Variants in SYNE3 observed in about 807,000 individuals in gnomAD.
SYNE3 encodes nesprin-3.
A neutral mutation model predicts 111.2 loss-of-function variants in SYNE3; 100 were observed. That is an observed-to-expected ratio of 0.90 (90% CI 0.77 to 1.06). The LOEUF (loss-of-function observed/expected upper bound fraction) is 1.06, where lower values mean the gene tolerates loss of function less well. Among genes scored for constraint, SYNE3 ranks in the 50% least tolerant of loss-of-function variants. The pLI is 0.00. For synonymous variants in SYNE3, 547 were observed against 533.9 expected, an observed-to-expected ratio of 1.02 and a Z score of -0.34; for missense variants, 1,160 against 1,240.3, an observed-to-expected ratio of 0.94 and a Z score of 0.97.
intron 10 of SYNE3, 68 bp downstream of exon 10, chr14:95,444,413 AGAGG>A (rs1886584348): frequency 6.6e-7 from 1 of 1,516,372 alleles, no homozygotes; most frequent in African/African-American, 1.4e-5. Context: ...GGTTACTGCT[AGAGG>A]GAGACGCTGC....
intron 3 of SYNE3, among the ~76,000 whole-genome samples, chr14:95,467,550 C>A (rs908175957): frequency 3.9e-5 from 6 of 152,208 alleles, no homozygotes; most frequent in African/African-American, 1.4e-4. Flanking sequence ...CTGGAGGATG[C>A]ACACACGGTA....
chr14:95,431,100 C>T (rs887153373), intron 17 of SYNE3, among the ~76,000 whole-genome samples: 2 of 152,164 alleles, frequency 1.3e-5, no homozygotes, highest in African/African-American at 2.4e-5. Context: ...CAGAGCATGC[C>T]GGAGGAGGCT....
At chr14:95,448,792 T>C (rs1886872682) in intron 8 of SYNE3, among the ~76,000 whole-genome samples, 1 of 152,174 alleles carries the variant, frequency 6.6e-6, no homozygotes, top group South Asian at 2.1e-4. Flanking sequence ...CATGGCCAAG[T>C]AGTGTACCCA....
chr14:95,458,824 A>G (rs1281091305), intron 4 of SYNE3, among the ~76,000 whole-genome samples: 1 of 152,226 alleles, frequency 6.6e-6, no homozygotes, highest in Non-Finnish European at 1.5e-5. Flanking sequence ...CCATCAGAGG[A>G]AAGTTTCCAA....
At chr14:95,443,496 C>T (rs938584051) in intron 10 of SYNE3, among the ~76,000 whole-genome samples, 1 of 152,150 alleles carries the variant, frequency 6.6e-6, no homozygotes, top group Non-Finnish European at 1.5e-5. Context: ...AAAAATCAGA[C>T]AAAAATATTC....
At chr14:95,489,361 A>T (rs1889723405) in intron 1 of SYNE3, among the ~76,000 whole-genome samples, 1 of 152,208 alleles carries the variant, frequency 6.6e-6, no homozygotes, top group Admixed American at 6.5e-5. Flanking sequence ...TTCTCCTGGA[A>T]TAAGGATTGA....
chr14:95,474,220 G>A (rs1566677555), intron 2 of SYNE3, among the ~76,000 whole-genome samples: 1 of 152,260 alleles, frequency 6.6e-6, no homozygotes. Context: ...GGTGCAGATA[G>A]TGGGGGACTT....
At chr14:95,435,950 A>C (rs1188494804) in intron 15 of SYNE3, among the ~76,000 whole-genome samples, 4 of 152,242 alleles carry the variant, frequency 2.6e-5, no homozygotes, top group Non-Finnish European at 4.4e-5. Context: ...GTCAAGGCCA[A>C]AAATGGTAAG....
At chr14:95,499,252 C>T (rs1218371388) in intron 1 of SYNE3, among the ~76,000 whole-genome samples, 26 of 152,214 alleles carry the variant, frequency 1.7e-4, no homozygotes, top group Non-Finnish European at 1.0e-4. Flanking sequence ...GAGCATCTAA[C>T]GGCTCAGGGT....
chr14:95,459,746 C>T (rs142108259), intron 4 of SYNE3, among the ~76,000 whole-genome samples: 2 of 152,082 alleles, frequency 1.3e-5, no homozygotes, highest in Non-Finnish European at 2.9e-5. Context: ...GAAAACATCC[C>T]GATTTTAGAA....
At chr14:95,427,217 G>A (rs1339978762) in intron 17 of SYNE3, among the ~76,000 whole-genome samples, 2 of 152,164 alleles carry the variant, frequency 1.3e-5, no homozygotes, top group Non-Finnish European at 2.9e-5. Context: ...TAACGCCAGT[G>A]TCTGGGAAGA....
intron 16 of SYNE3, among the ~76,000 whole-genome samples, chr14:95,432,633 CTATTATTATTAT>C (rs3036482): frequency 0.028 from 3,946 of 142,458 alleles, 151 homozygotes; most frequent in African/African-American, 0.09. Flanking sequence ...ACTAGTTTTG[CTATTATTATTAT>C]TATTATTATT....
rs1888144469 is a variant in SYNE3 at position 95,466,029 on chromosome 14, C to G, written c.529G>C (p.Ala177Pro). Residue 177 changes from alanine to proline, a missense_variant, in exon 4 of 18, where the codon GCA (alanine) becomes CCA (proline). Physicochemically the swap from Ala to Pro is conservative, Grantham distance 27. Coordinates refer to ENST00000682763, the MANE Select transcript of SYNE3 (RefSeq NM_152592.6). ...CCGATCCTGTTGAACAGGGAGGCTGCCTCCTCCAGCAGCCGGTCCAGGAGC... is the reference window on the plus strand; with the variant it reads ...CCGATCCTGTTGAACAGGGAGGCTGGCTCCTCCAGCAGCCGGTCCAGGAGC... The part of the protein sequence containing the change: ...AVLLDRLLEE[A>P]ASLFNRIGDP... 1.2e-6 allele frequency: 2 copies of G among 1,612,556 alleles called. No homozygotes were observed. Among genetic ancestry groups the G allele is most frequent in the East Asian group, 4.5e-5 (2 of 44,812 alleles).
At chr14:95,455,088 G>A (rs910954500) in intron 6 of SYNE3, among the ~76,000 whole-genome samples, 16 of 152,148 alleles carry the variant, frequency 1.1e-4, no homozygotes, top group Admixed American at 6.5e-5. Context: ...GCCCAAACCT[G>A]GCTGCCCAAT....
chr14:95,441,735 C>A (rs1886426816), intron 11 of SYNE3, among the ~76,000 whole-genome samples: 1 of 152,224 alleles, frequency 6.6e-6, no homozygotes, highest in Non-Finnish European at 1.5e-5. Flanking sequence ...AAACTACTAA[C>A]TGCTAGTTTA....
At chr14:95,498,560 A>G (rs1890196589) in intron 1 of SYNE3, among the ~76,000 whole-genome samples, 1 of 152,212 alleles carries the variant, frequency 6.6e-6, no homozygotes, top group South Asian at 2.1e-4. Context: ...ACTTTCAGAA[A>G]AAGTTAAGAG....
chr14:95,428,082 A>G (rs1677512459), intron 17 of SYNE3, among the ~76,000 whole-genome samples: 1 of 152,226 alleles, frequency 6.6e-6, no homozygotes, highest in Admixed American at 6.5e-5. Flanking sequence ...ATGGGGGACC[A>G]AGGGAGCTGC....
At chr14:95,453,576 T>C (rs1326074230) in intron 6 of SYNE3, among the ~76,000 whole-genome samples, 1 of 152,206 alleles carries the variant, frequency 6.6e-6, no homozygotes, top group African/African-American at 2.4e-5. Flanking sequence ...CATAATGACG[T>C]CTATGAAAGT....
At chr14:95,477,399 GT>G (rs924037636) in intron 1 of SYNE3, among the ~76,000 whole-genome samples, 10 of 150,608 alleles carry the variant, frequency 6.6e-5, no homozygotes, top group South Asian at 4.2e-4. Context: ...TTGGAAGTTT[GT>G]TTTTTTTTCC....
Sources: gnomAD v4.1 joint callset for allele counts (sites outside exome capture counted in the v4.1 genomes callset) on GRCh38, gnomAD v4.1.1 for gene constraint, MANE v1.5 for transcripts, NCBI Gene and HGNC (gene_info 2026-07-23, HGNC 2026-07-21) for gene names.